The following CHODL variants were observed in gnomAD, a reference collection of about 807,000 sequenced individuals.
The protein encoded by CHODL is chondrolectin, also known as transmembrane protein MT75.
CHODL carries 29 observed loss-of-function variants against 34.5 expected under a neutral mutation model. The ratio of observed to expected loss-of-function variants is 0.84; its 90% CI spans 0.63 to 1.15. The LOEUF (loss-of-function observed/expected upper bound fraction) is 1.15, where lower values mean the gene tolerates loss of function less well. Ranked by LOEUF, CHODL falls within the 50% of genes most tolerant of loss-of-function variation. The probability of loss-of-function intolerance (pLI) is 0.00; values close to 1 mark genes in which losing one functional copy is unlikely to be tolerated. For synonymous variants in CHODL, 125 were observed against 116.1 expected (o/e 1.08, Z -0.49); for missense variants, 332 against 332.5 (o/e 1.00, Z 0.01).
At chr21:18,193,914 A>G (rs1308748445) in intron 2 of CHODL, among the ~76,000 whole-genome samples, 3 of 152,010 alleles carry the variant, frequency 2.0e-5, no homozygotes, top group Non-Finnish European at 4.4e-5. Flanking sequence ...CCCCCTTGGT[A>G]AATGACACCA....
At chr21:18,077,823 T>C (rs1177694604) in intron 2 of CHODL, among the ~76,000 whole-genome samples, 1 of 152,194 alleles carries the variant, frequency 6.6e-6, no homozygotes, top group Admixed American at 6.5e-5. Context: ...TATGATATTT[T>C]TGTAGCAGTC....
intron 2 of CHODL, among the ~76,000 whole-genome samples, chr21:18,191,801 G>T (rs73893018): frequency 6.6e-6 from 1 of 152,062 alleles, no homozygotes; most frequent in East Asian, 1.9e-4. Context: ...CAGGAGGTTG[G>T]GGGCAGGGAG....
At chr21:17,923,088 A>G (rs1346675112) in intron 1 of CHODL, among the ~76,000 whole-genome samples, 1 of 151,884 alleles carries the variant, frequency 6.6e-6, no homozygotes, top group Non-Finnish European at 1.5e-5. Flanking sequence ...CAAAGAAGGC[A>G]ATGAGATATG....
rs139455028 is a variant in CHODL, at chr21:17,920,318, A to G, written c.-145+2918A>G. Among the ~76,000 whole-genome samples the G allele has an allele frequency of 8.0e-3, 1,215 of 152,350 alleles. 18 individuals are homozygous for G. Among genetic ancestry groups the G allele is most frequent in the African/African-American group, 0.027 (1,119 of 41,580 alleles). ...GTTTAATGGACTTACAGTTTCACAT[A>G]GCTGGGGAGGCCTCACAATTATGGC... is the stretch of plus-strand genomic sequence containing the variant. On this transcript the variant is annotated intron_variant, in intron 1 of 6. Transcript: ENST00000400127.
chr21:18,185,466 C>A (rs1226583688), intron 2 of CHODL, among the ~76,000 whole-genome samples: 2 of 152,136 alleles, frequency 1.3e-5, no homozygotes, highest in Non-Finnish European at 2.9e-5. Flanking sequence ...TACCTGTGAA[C>A]ACTGCTGCAA....
chr21:18,184,227 T>C (rs2073414675), intron 2 of CHODL, among the ~76,000 whole-genome samples: 1 of 152,180 alleles, frequency 6.6e-6, no homozygotes. Flanking sequence ...GGAAATGATA[T>C]TTCTGCAGAG....
At chr21:18,035,562 C>T (rs1201100602) in intron 2 of CHODL, among the ~76,000 whole-genome samples, 1 of 151,890 alleles carries the variant, frequency 6.6e-6, no homozygotes, top group African/African-American at 2.4e-5. Context: ...CTCACTTCTC[C>T]TTTGGATACT....
chr21:18,192,635 T>A (rs2073524761), intron 2 of CHODL, among the ~76,000 whole-genome samples: 1 of 152,216 alleles, frequency 6.6e-6, no homozygotes, highest in Non-Finnish European at 1.5e-5. Context: ...TTCCAAAGTC[T>A]TGTATAAAAA....
Position 18,260,294 on chromosome 21 carries a change from C to T in CHODL, c.634+8C>T. ...TGGTTGTTACTGAAGCAGGTAATTA[C>T]TTCATGTGTCTTTAACTTCATCAAG... On this transcript the variant is annotated splice_region_variant and intron_variant, in intron 4 of 5. Transcript: ENST00000299295. 2 of 1,525,910 alleles carry T rather than the reference C, an allele frequency of 1.3e-6. No homozygotes were observed. Among genetic ancestry groups the T allele is most frequent in the Admixed American group, 1.9e-5 (1 of 53,414 alleles). The allele number at this position is 1,525,910 out of a possible 1,614,324, so 94.5% of individuals were successfully genotyped here.
upstream of CHODL, among the ~76,000 whole-genome samples, chr21:18,243,041 C>G (rs2074096841): frequency 6.6e-6 from 1 of 152,140 alleles, no homozygotes; most frequent in East Asian, 1.9e-4. Flanking sequence ...AAAGGAGATC[C>G]CCTTCAGAAC....
intron 2 of CHODL, among the ~76,000 whole-genome samples, chr21:18,145,534 T>A (rs750913636): frequency 5.3e-5 from 8 of 152,058 alleles, no homozygotes; most frequent in Non-Finnish European, 8.8e-5. Flanking sequence ...AAAAAGTTGT[T>A]TTTTCTGAAT....
intron 2 of CHODL, among the ~76,000 whole-genome samples, chr21:18,127,672 G>GTTGTTT (rs2072590007): frequency 1.4e-5 from 1 of 70,006 alleles, no homozygotes; most frequent in Non-Finnish European, 2.7e-5. Flanking sequence ...CGTTGCCATT[G>GTTGTTT]TTTTTTTTTT....
chr21:17,940,114 A>G (rs996675712), intron 1 of CHODL, among the ~76,000 whole-genome samples: 1 of 152,200 alleles, frequency 6.6e-6, no homozygotes, highest in Non-Finnish European at 1.5e-5. Flanking sequence ...TGGCCCAGAA[A>G]GTTCTATATG....
intron 2 of CHODL, among the ~76,000 whole-genome samples, chr21:18,049,436 T>C (rs780112997): frequency 2.0e-5 from 3 of 152,028 alleles, no homozygotes; most frequent in Non-Finnish European, 2.9e-5. Context: ...CTCAGATGTA[T>C]AACAATACTA....
chr21:17,935,205 C>CTGTT (rs1157414111), intron 1 of CHODL, among the ~76,000 whole-genome samples: 2 of 152,206 alleles, frequency 1.3e-5, no homozygotes, highest in East Asian at 3.9e-4. Flanking sequence ...ATGGCAGGTA[C>CTGTT]TGTTATAAGG....
intron 2 of CHODL, among the ~76,000 whole-genome samples, chr21:18,097,228 C>G (rs187081047): frequency 6.6e-6 from 1 of 152,050 alleles, no homozygotes; most frequent in Non-Finnish European, 1.5e-5. Context: ...CTAGAACAAT[C>G]AGACAAGAGA....
intron 2 of CHODL, among the ~76,000 whole-genome samples, chr21:18,182,159 A>G (rs887574853): frequency 2.2e-4 from 33 of 152,200 alleles, no homozygotes; most frequent in African/African-American, 7.7e-4. Flanking sequence ...GGAGAGTACT[A>G]CTTTACCCTC....
chr21:17,965,733 C>T (rs1432005257), intron 1 of CHODL, among the ~76,000 whole-genome samples: 1 of 152,036 alleles, frequency 6.6e-6, no homozygotes, highest in African/African-American at 2.4e-5. Flanking sequence ...TAATAATGGC[C>T]TTTTTACTAA....
chr21:18,042,354 A>G (rs1369020133), intron 2 of CHODL, among the ~76,000 whole-genome samples: 1 of 151,908 alleles, frequency 6.6e-6, no homozygotes, highest in Non-Finnish European at 1.5e-5. Flanking sequence ...CAAATTGTAT[A>G]AAATATATCC....
Sources: gnomAD v4.1 joint callset for allele counts (sites outside exome capture counted in the v4.1 genomes callset) on GRCh38, gnomAD v4.1.1 for gene constraint, MANE v1.5 for transcripts, NCBI Gene and HGNC (gene_info 2026-07-23, HGNC 2026-07-21) for gene names.